MTG2: variants seen among roughly 807,000 people sequenced by gnomAD.
The protein encoded by MTG2 is mitochondrial ribosome-associated GTPase 2.
A neutral mutation model predicts 28.6 loss-of-function variants in MTG2; 23 were observed. The observed-to-expected ratio is 0.80, with a 90% CI of 0.58 to 1.14. The LOEUF is 1.14. Among genes scored for constraint, MTG2 ranks in the 50% most tolerant of loss-of-function variants. MTG2 has a pLI of 0.00. For missense variants in MTG2, 539 were observed against 552.0 expected (o/e 0.98, Z 0.24); for synonymous variants, 260 against 251.8 (o/e 1.03, Z -0.31).
intron 1 of MTG2, among the ~76,000 whole-genome samples, chr20:62,188,395 G>A (rs991069337): frequency 1.3e-5 from 2 of 151,816 alleles, no homozygotes; most frequent in African/African-American, 4.8e-5. Flanking sequence ...AGTGCAGTGT[G>A]TGATCATGGT....
chr20:62,196,083 C>T, intron 3 of MTG2, 134 bp downstream of exon 3: 4 of 1,071,966 alleles, frequency 3.7e-6, no homozygotes, highest in Admixed American at 4.8e-5. Context: ...GAGGCTGAGG[C>T]AGGAGGATCA....
At chr20:62,183,154 G>A (rs944671063) in intron 1 of MTG2, 97 bp downstream of exon 1, 1 of 152,288 alleles carries the variant, frequency 6.6e-6, no homozygotes, top group Non-Finnish European at 1.5e-5. Flanking sequence ...GGGTACCGGG[G>A]CGCTGGGAGC....
At chr20:62,199,692 C>CTTT (rs576466526) in intron 6 of MTG2, among the ~76,000 whole-genome samples, 109 of 90,620 alleles carry the variant, frequency 1.2e-3, no homozygotes, top group Non-Finnish European at 1.5e-3. Context: ...ATGTAAACAA[C>CTTT]TTTTTTTTTT....
intron 1 of MTG2, among the ~76,000 whole-genome samples, chr20:62,191,857 C>G (rs548304620): frequency 6.6e-6 from 1 of 152,318 alleles, no homozygotes; most frequent in Non-Finnish European, 1.5e-5. Context: ...TCAGGACTTC[C>G]TCACTGTGCC....
intron 1 of MTG2, among the ~76,000 whole-genome samples, chr20:62,184,201 A>G (rs2057789144): frequency 1.3e-5 from 2 of 152,318 alleles, no homozygotes; most frequent in Admixed American, 1.3e-4. Context: ...TACTAAAAAT[A>G]CAAAAAAGTA....
Position 62,198,544 on chromosome 20 carries a change from C to G in MTG2, c.469-90C>G, listed in dbSNP as rs897922925. 2.9e-6 allele frequency: 4 copies of G among 1,393,352 alleles called. No individual in the cohort carries two copies. The African/African-American group carries it at 5.7e-5, about 20-fold the overall frequency. The allele number at this position is 1,393,352 out of a possible 1,614,324, so 86.3% of individuals were successfully genotyped here. On this transcript the variant is annotated intron_variant, in intron 4 of 6. Coordinates refer to ENST00000370823, the MANE Select transcript of MTG2 (RefSeq NM_015666.4). ...CCGGGGCACAGTCCGCTCTTGTCTT[C>G]TTTCCTTAGCGCTTGCTTCAGGAAT...
At chr20:62,199,857 G>A (rs967829450) in intron 6 of MTG2, 1 of 151,880 alleles carries the variant, frequency 6.6e-6, no homozygotes, top group Non-Finnish European at 1.5e-5. Flanking sequence ...ACCACGCCCA[G>A]TTAATTTTTT....
rs143283992 is a variant in MTG2 at position 62,190,107 on chromosome 20, G to T, written c.-5-3309G>T. ...CTAGTTCTGAGCATTTCATTTATCT[G>T]TTGGCTTTTCGGATCTGTGTCTTTG... is the stretch of plus-strand genomic sequence containing the variant. On this transcript the variant is annotated intron_variant, in intron 1 of 6. Coordinates refer to ENST00000370823, the MANE Select transcript of MTG2 (RefSeq NM_015666.4). Among the ~76,000 whole-genome samples the T allele has an allele frequency of 3.0e-3, 453 of 152,204 alleles. 3 individuals are homozygous for T. The highest frequency in any genetic ancestry group is 0.01 in the African/African-American group (425 of 41,514).
intron 1 of MTG2, among the ~76,000 whole-genome samples, chr20:62,184,536 G>T (rs1333019145): frequency 1.3e-5 from 2 of 152,248 alleles, no homozygotes; most frequent in African/African-American, 4.8e-5. Context: ...GAAGGCAGCA[G>T]TGATCGGGAC....
chr20:62,198,838 G>A lies in MTG2; in HGVS notation c.673G>A (p.Ala225Thr). ...TCTCCACCTGGAGCTCAAGACGGTG[G>A]CCCACGCCGGAATGGTAGGTGTCCC... ...RVLHLELKTV[A>T]HAGMVGFPNA... is the part of the protein sequence containing the mutation. The change falls in exon 5 of 7, where the codon GCC (alanine) becomes ACC (threonine). Residue 225 changes from alanine to threonine, a missense_variant. Ala to Thr is a moderately conservative substitution (Grantham distance 58). Transcript: ENST00000370823. The A allele has an allele frequency of 6.2e-7, 1 of 1,614,094 alleles. No homozygotes were observed. The highest frequency in any genetic ancestry group is 8.5e-7 in the Non-Finnish European group (1 of 1,180,044).
intron 1 of MTG2, among the ~76,000 whole-genome samples, chr20:62,191,050 TG>T (rs1287849036): frequency 1.3e-5 from 2 of 152,076 alleles, no homozygotes; most frequent in Non-Finnish European, 2.9e-5. Context: ...TTAAAGTGCA[TG>T]GAGGCCCGGT....
intron 2 of MTG2, among the ~76,000 whole-genome samples, chr20:62,194,887 C>T (rs1269466373): frequency 2.0e-5 from 3 of 152,206 alleles, no homozygotes; most frequent in African/African-American, 7.2e-5. Context: ...ATTGCACCTA[C>T]CTTAGTGACC....
chr20:62,190,769 G>T (rs1182264174), intron 1 of MTG2, among the ~76,000 whole-genome samples: 1 of 152,204 alleles, frequency 6.6e-6, no homozygotes, highest in African/African-American at 2.4e-5. Flanking sequence ...GCACAGGCAC[G>T]GCTGCGGGGG....
intron 1 of MTG2, among the ~76,000 whole-genome samples, chr20:62,185,903 G>A (rs2057833805): frequency 1.3e-5 from 2 of 152,176 alleles, no homozygotes; most frequent in Non-Finnish European, 2.9e-5. Flanking sequence ...AGGGGAGAGA[G>A]CACAGCACTC....
intron 3 of MTG2, chr20:62,197,558 C>T (rs2058082619): frequency 3.8e-6 from 1 of 264,054 alleles, no homozygotes; most frequent in South Asian, 4.3e-5. Flanking sequence ...GTTATATTCA[C>T]ACTCAGCATA....
intron 1 of MTG2, among the ~76,000 whole-genome samples, chr20:62,186,671 G>A (rs2057855901): frequency 6.6e-6 from 1 of 151,974 alleles, no homozygotes; most frequent in South Asian, 2.1e-4. Flanking sequence ...CGGGACTACA[G>A]GCACGTGCCA....
At chr20:62,200,591 C>T in intron 6 of MTG2, 92 bp from the exon 7 acceptor site, 2 of 1,452,024 alleles carry the variant, frequency 1.4e-6, no homozygotes, top group Non-Finnish European at 1.8e-6. Flanking sequence ...GCAGTGGGCT[C>T]CAGGCCTTCT....
intron 1 of MTG2, among the ~76,000 whole-genome samples, chr20:62,189,962 C>T (rs1199709765): frequency 1.3e-5 from 2 of 152,162 alleles, no homozygotes; most frequent in African/African-American, 4.8e-5. Flanking sequence ...CGCGCCCAGC[C>T]AACATTAACA....
At chr20:62,199,441 C>G (rs970064580) in intron 6 of MTG2, among the ~76,000 whole-genome samples, 184 bp downstream of exon 6, 2 of 151,866 alleles carry the variant, frequency 1.3e-5, no homozygotes, top group African/African-American at 2.4e-5. Flanking sequence ...GTCAGGAGAT[C>G]GACACCATCC....
Sources: allele counts gnomAD v4.1 joint callset (sites outside exome capture counted in the v4.1 genomes callset), GRCh38; gene constraint gnomAD v4.1.1; transcripts MANE v1.5; gene names NCBI Gene and HGNC (gene_info 2026-07-23, HGNC 2026-07-21).